Variants in RICTOR observed in about 807,000 individuals in gnomAD.
The protein encoded by RICTOR is RPTOR independent companion of MTOR complex 2.
A neutral mutation model predicts 214.9 loss-of-function variants in RICTOR; 49 were observed. The observed-to-expected ratio is 0.23, with a 90% CI of 0.18 to 0.29. RICTOR has a LOEUF of 0.29. Ranked by LOEUF, RICTOR falls within the 10% of genes least tolerant of loss-of-function variation. RICTOR has a pLI of 1.00. For synonymous variants in RICTOR, 717 were observed against 711.3 expected (o/e 1.01, Z -0.13); for missense variants, 1,625 against 2,047.0 (o/e 0.79, Z 3.98).
intron 34 of RICTOR, chr5:38,945,279 C>T: frequency 1.6e-6 from 1 of 608,322 alleles, no homozygotes; most frequent in Non-Finnish European, 2.9e-6. Flanking sequence ...TGGAAAAGAC[C>T]TAATCCAGGG....
At chr5:39,064,178 C>T (rs980555844) in intron 2 of RICTOR, among the ~76,000 whole-genome samples, 1 of 152,134 alleles carries the variant, frequency 6.6e-6, no homozygotes, top group Non-Finnish European at 1.5e-5. Flanking sequence ...TTTATAACTA[C>T]ATTTGTTGTA....
intron 31 of RICTOR, chr5:38,949,490 T>C: frequency 3.5e-6 from 5 of 1,416,546 alleles, no homozygotes; most frequent in Non-Finnish European, 4.8e-6. Context: ...GCAAAGCATG[T>C]ATGTTTATTT....
chr5:39,069,512 G>C (rs534260308), intron 2 of RICTOR, among the ~76,000 whole-genome samples: 11 of 152,272 alleles, frequency 7.2e-5, no homozygotes, highest in African/African-American at 2.6e-4. Flanking sequence ...TTTATTCTTT[G>C]AATCAGGGTA....
At chr5:39,062,536 T>C (rs1271561764) in intron 2 of RICTOR, among the ~76,000 whole-genome samples, 1 of 151,920 alleles carries the variant, frequency 6.6e-6, no homozygotes, top group East Asian at 1.9e-4. Context: ...TATATGAGGG[T>C]CAAACACTAA....
intron 31 of RICTOR, among the ~76,000 whole-genome samples, chr5:38,948,517 A>G (rs1748425070): frequency 1.3e-5 from 2 of 152,050 alleles, no homozygotes; most frequent in Non-Finnish European, 2.9e-5. Flanking sequence ...TATTCTACCT[A>G]TTGGGTTTCC....
intron 2 of RICTOR, among the ~76,000 whole-genome samples, chr5:39,030,896 T>C (rs540257514): frequency 6.6e-6 from 1 of 152,154 alleles, no homozygotes; most frequent in African/African-American, 2.4e-5. Context: ...TCCCTTCCAA[T>C]TGCCCTGTGA....
intron 11 of RICTOR, chr5:38,970,993 A>T (rs922397158): frequency 1.3e-5 from 2 of 152,472 alleles, no homozygotes; most frequent in Admixed American, 6.5e-5. Flanking sequence ...AATAAAGTTC[A>T]TATTTTCAAC....
rs1176682545 is a variant in RICTOR, at chr5:38,950,671, T to G, written c.3177A>C (p.Thr1059=). The change falls in exon 31 of 38, where the codon ACA becomes ACC. Residue 1059 remains threonine (T), a synonymous_variant. Transcript: ENST00000357387. ...TATCTTCATTGATATCAAGGAAAAA[T>G]GTGCTAGTAGAGCTGCTGCCAAACC... ...DDRFGSSSTS[T]FFLDINEDTE... The G allele has an allele frequency of 6.2e-7, 1 of 1,611,082 alleles. No individual in the cohort carries two copies. The highest frequency in any genetic ancestry group is 8.5e-7 in the Non-Finnish European group (1 of 1,178,474).
rs552849494 is a variant in RICTOR at position 39,000,238 on chromosome 5, C to CA, written c.392+2296dup. Among the ~76,000 whole-genome samples, 773 of 148,854 alleles carry CA rather than the reference C, an allele frequency of 5.2e-3. 3 individuals are homozygous for CA. Among genetic ancestry groups the CA allele is most frequent in the African/African-American group, 8.2e-3 (335 of 40,684 alleles). ...ATTAATGAATTATAATCATGTAGGA[C>CA]AAAAAAAAATACATATCTTACATAT... On this transcript the variant is annotated intron_variant, in intron 5 of 37. Coordinates refer to ENST00000357387, the MANE Select transcript of RICTOR (RefSeq NM_152756.5).
rs1357813959 is a variant in RICTOR, at chr5:38,967,213, T to C, written c.1166A>G (p.Asp389Gly). The change falls in exon 14 of 38, where the codon GAT becomes GGT. Residue 389 changes from aspartate (D) to glycine (G), a missense_variant. Physicochemically the swap from Asp to Gly is moderately conservative, Grantham distance 94 (BLOSUM62 -1). This residue lies in a region of RICTOR where 1,214 missense variants were observed against 1,470.5 expected (regional missense o/e 0.83). Coordinates refer to ENST00000357387, the MANE Select transcript of RICTOR (RefSeq NM_152756.5). ...AGAGAGTATCAGTGCCAAATAATTA[T>C]CCATGAGGTCTGGCCTGGAAAAAAC... ...HRARSRPDLMDNYLALILSAF... is the reference protein window; with the variant it reads ...HRARSRPDLMGNYLALILSAF... 4 of 1,612,658 alleles carry C rather than the reference T, an allele frequency of 2.5e-6. No individual in the cohort carries two copies. Among genetic ancestry groups the C allele is most frequent in the East Asian group, 2.2e-5 (1 of 44,876 alleles).
intron 9 of RICTOR, among the ~76,000 whole-genome samples, chr5:38,977,009 G>A (rs1751293677): frequency 6.6e-6 from 1 of 152,206 alleles, no homozygotes; most frequent in Non-Finnish European, 1.5e-5. Context: ...GCATATAGCA[G>A]GCTTGATCTA....
intron 10 of RICTOR, among the ~76,000 whole-genome samples, chr5:38,974,965 G>C (rs1751092481): frequency 6.6e-6 from 1 of 152,090 alleles, no homozygotes; most frequent in Non-Finnish European, 1.5e-5. Flanking sequence ...TTAATACATT[G>C]GGTACAAAAG....
chr5:38,954,456 T>C (rs1246836014), intron 27 of RICTOR, among the ~76,000 whole-genome samples: 1 of 151,906 alleles, frequency 6.6e-6, no homozygotes. Context: ...TCAGTACGTT[T>C]TTGGAGATCT....
intron 2 of RICTOR, among the ~76,000 whole-genome samples, chr5:39,070,709 A>G (rs1759258875): frequency 6.6e-6 from 1 of 152,226 alleles, no homozygotes; most frequent in African/African-American, 2.4e-5. Flanking sequence ...ACAATAATTA[A>G]AGTATACCAG....
intron 2 of RICTOR, among the ~76,000 whole-genome samples, chr5:39,054,996 G>A (rs775662191): frequency 6.6e-6 from 1 of 152,022 alleles, no homozygotes; most frequent in East Asian, 1.9e-4. Context: ...AATCTTGCCC[G>A]TCTTGTAACA....
intron 8 of RICTOR, among the ~76,000 whole-genome samples, chr5:38,979,460 G>A (rs1202614137): frequency 2.0e-5 from 3 of 152,088 alleles, no homozygotes; most frequent in Non-Finnish European, 4.4e-5. Context: ...TTTTTCTGGT[G>A]CTCTTCATTC....
At chr5:39,024,229 C>G (rs568271733) in intron 2 of RICTOR, among the ~76,000 whole-genome samples, 1 of 152,122 alleles carries the variant, frequency 6.6e-6, no homozygotes, top group East Asian at 1.9e-4. Flanking sequence ...CTGTGCAGCC[C>G]GGTTCCTAGC....
chr5:39,027,024 A>T (rs1356032364), intron 2 of RICTOR, among the ~76,000 whole-genome samples: 7 of 152,132 alleles, frequency 4.6e-5, no homozygotes, highest in African/African-American at 1.7e-4. Context: ...AATAAAAAAT[A>T]ATGTATTACT....
chr5:39,051,084 C>T (rs1422156287), intron 2 of RICTOR, among the ~76,000 whole-genome samples: 5 of 151,816 alleles, frequency 3.3e-5, no homozygotes, highest in African/African-American at 4.8e-5. Flanking sequence ...CACACACACA[C>T]GCGGCATATA....
Sources: allele counts gnomAD v4.1 joint callset (sites outside exome capture counted in the v4.1 genomes callset), GRCh38; gene constraint gnomAD v4.1.1; regional missense constraint gnomAD v4.1.1; transcripts MANE v1.5; gene names NCBI Gene and HGNC (gene_info 2026-07-23, HGNC 2026-07-21).